ANKS1A: variants seen among roughly 807,000 people sequenced by gnomAD.
ANKS1A encodes ankyrin repeat and sterile alpha motif domain containing 1A, also known as ankyrin repeat and SAM domain-containing protein 1A.
ANKS1A carries 55 observed loss-of-function variants against 120.3 expected under a neutral mutation model. That is an observed-to-expected ratio of 0.46 (90% CI 0.37 to 0.57). The LOEUF (loss-of-function observed/expected upper bound fraction) is 0.57, where lower values mean the gene tolerates loss of function less well. ANKS1A is among the 20% of genes least tolerant of loss of function. The pLI is 0.00. For missense variants in ANKS1A, 1,123 were observed against 1,480.3 expected (o/e 0.76, Z 3.96); for synonymous variants, 590 against 604.7 (o/e 0.98, Z 0.36).
chr6:35,011,227 T>C (rs1271219911), intron 10 of ANKS1A, among the ~76,000 whole-genome samples: 2 of 152,196 alleles, frequency 1.3e-5, no homozygotes, highest in African/African-American at 4.8e-5. Flanking sequence ...GTCAGTTGTT[T>C]CTTGAGTATT....
At chr6:35,005,943 C>CT (rs1364748032) in intron 10 of ANKS1A, 3 of 278,788 alleles carry the variant, frequency 1.1e-5, no homozygotes, top group Non-Finnish European at 2.1e-5. Context: ...AATCCCAGCA[C>CT]TTTGGGAGGC....
chr6:35,004,974 A>G (rs1773378683), intron 10 of ANKS1A, among the ~76,000 whole-genome samples: 1 of 152,200 alleles, frequency 6.6e-6, no homozygotes, highest in Non-Finnish European at 1.5e-5. Flanking sequence ...TGCCTTGTCT[A>G]TAGAGCACAG....
intron 11 of ANKS1A, among the ~76,000 whole-genome samples, chr6:35,043,998 C>T (rs1775600942): frequency 1.3e-5 from 2 of 152,204 alleles, no homozygotes; most frequent in Non-Finnish European, 2.9e-5. Flanking sequence ...CTTCGAAGTA[C>T]TTACTTGGTT....
intron 10 of ANKS1A, among the ~76,000 whole-genome samples, chr6:34,998,837 T>G (rs1483485642): frequency 6.6e-6 from 1 of 152,200 alleles, no homozygotes. Context: ...CCTGCTACAT[T>G]TCTTGGTTCC....
At chr6:34,946,432 A>G (rs1005368011) in intron 1 of ANKS1A, among the ~76,000 whole-genome samples, 22 of 152,038 alleles carry the variant, frequency 1.4e-4, no homozygotes, top group Non-Finnish European at 2.8e-4. Context: ...TACTAAAAAT[A>G]TAAATATTAG....
intron 13 of ANKS1A, among the ~76,000 whole-genome samples, chr6:35,066,718 G>A (rs1776794864): frequency 6.6e-6 from 1 of 152,206 alleles, no homozygotes; most frequent in Non-Finnish European, 1.5e-5. Flanking sequence ...CCTGGTGGCT[G>A]TCACCACTGA....
At chr6:34,949,119 CAAAG>C (rs1039671187) in intron 1 of ANKS1A, among the ~76,000 whole-genome samples, 11 of 152,096 alleles carry the variant, frequency 7.2e-5, no homozygotes, top group African/African-American at 2.4e-4. Context: ...TTGTTGTAAA[CAAAG>C]AAAATGTAGT....
At chr6:35,071,041 G>T in intron 13 of ANKS1A, 2 of 451,258 alleles carry the variant, frequency 4.4e-6, no homozygotes. Context: ...CCTTACTTAG[G>T]TTGATTTGCC....
chr6:35,036,563 A>C, intron 11 of ANKS1A, among the ~76,000 whole-genome samples: 1 of 152,240 alleles, frequency 6.6e-6, no homozygotes. Context: ...GAGCAAACCC[A>C]GGTCTCTCGA....
chr6:35,010,894 C>T (rs1483656677), intron 10 of ANKS1A, among the ~76,000 whole-genome samples: 1 of 152,034 alleles, frequency 6.6e-6, no homozygotes, highest in Admixed American at 6.5e-5. Flanking sequence ...AAGATGATGG[C>T]TTAAAGAGAG....
intron 9 of ANKS1A, among the ~76,000 whole-genome samples, chr6:34,991,693 C>CAT (rs1306257301): frequency 6.8e-5 from 2 of 29,264 alleles, no homozygotes; most frequent in Admixed American, 6.7e-4. Context: ...CATATATACA[C>CAT]ATATATATAC....
At chr6:34,903,803 C>G (rs536251028) in intron 1 of ANKS1A, among the ~76,000 whole-genome samples, 3 of 152,196 alleles carry the variant, frequency 2.0e-5, no homozygotes, top group East Asian at 3.9e-4. Context: ...GCATGAGCCA[C>G]TGTGCCCAGC....
At chr6:35,094,906 G>A (rs1038606107), downstream of ANKS1A, among the ~76,000 whole-genome samples, 2 of 152,132 alleles carry the variant, frequency 1.3e-5, no homozygotes, top group Non-Finnish European at 2.9e-5. Context: ...TTTGGAAGGC[G>A]AAGTGGGAGA....
intron 14 of ANKS1A, among the ~76,000 whole-genome samples, chr6:35,079,256 C>G (rs772586165): frequency 5.3e-5 from 8 of 152,202 alleles, no homozygotes; most frequent in Non-Finnish European, 1.0e-4. Context: ...GCAGACCCCC[C>G]CTCCCTACCT....
At chr6:34,954,574 G>A (rs921927353) in intron 1 of ANKS1A, among the ~76,000 whole-genome samples, 7 of 152,202 alleles carry the variant, frequency 4.6e-5, no homozygotes, top group Non-Finnish European at 7.3e-5. Context: ...TGTCACGTGT[G>A]CAATTAAAAT....
At chr6:34,923,215 T>TG (rs1768530043) in intron 1 of ANKS1A, among the ~76,000 whole-genome samples, 1 of 152,168 alleles carries the variant, frequency 6.6e-6, no homozygotes, top group Admixed American at 6.5e-5. Flanking sequence ...TCCATTAAAG[T>TG]GGGGAAAAGT....
At chr6:34,891,274 C>T (rs1296114077) in intron 1 of ANKS1A, among the ~76,000 whole-genome samples, 1 of 152,186 alleles carries the variant, frequency 6.6e-6, no homozygotes, top group Non-Finnish European at 1.5e-5. Context: ...AGGAGAAGAA[C>T]TTCCTGCCTG....
At chr6:34,924,851 GCTT>G (rs1768627082) in intron 1 of ANKS1A, among the ~76,000 whole-genome samples, 1 of 152,118 alleles carries the variant, frequency 6.6e-6, no homozygotes, top group African/African-American at 2.4e-5. Flanking sequence ...GACTCCCCGG[GCTT>G]GAGTGATCCA....
chr6:34,994,854 G>T (rs1772767889), intron 10 of ANKS1A, among the ~76,000 whole-genome samples: 3 of 152,208 alleles, frequency 2.0e-5, no homozygotes, highest in African/African-American at 7.2e-5. Flanking sequence ...CTGGGGAGGG[G>T]CCCGTGATTG....
Sources: allele counts gnomAD v4.1 joint callset (sites outside exome capture counted in the v4.1 genomes callset), GRCh38; gene constraint gnomAD v4.1.1; transcripts MANE v1.5; gene names NCBI Gene and HGNC (gene_info 2026-07-23, HGNC 2026-07-21).